The following BRDT variants were observed in gnomAD, a reference collection of about 807,000 sequenced individuals.
BRDT encodes bromodomain testis associated.
Under a neutral mutation model 113.9 loss-of-function variants are expected in BRDT, and 77 were observed. The ratio of observed to expected loss-of-function variants is 0.68; its 90% CI spans 0.56 to 0.82. BRDT has a LOEUF of 0.82. BRDT is among the 40% of genes least tolerant of loss of function. The pLI, the probability that BRDT is intolerant of heterozygous loss-of-function variation, is 0.00. For missense variants in BRDT, 1,027 were observed against 1,105.4 expected (o/e 0.93, Z 1.01); for synonymous variants, 358 against 366.5 (o/e 0.98, Z 0.26).
intron 16 of BRDT, 108 bp from the exon 17 acceptor site, chr1:92,004,306 C>G (rs1282872333): frequency 8.7e-6 from 6 of 686,462 alleles, no homozygotes; most frequent in Non-Finnish European, 1.4e-5. Context: ...ACATGAAGCC[C>G]TTTAGAATCT....
chr1:92,004,676 A>G, intron 17 of BRDT, 57 bp downstream of exon 17: 1 of 1,411,398 alleles, frequency 7.1e-7, no homozygotes, highest in East Asian at 2.4e-5. Context: ...TATTTTAAAT[A>G]CATTAAATTT....
chr1:91,987,083 C>A (rs1570569786), intron 12 of BRDT, among the ~76,000 whole-genome samples: 1 of 151,920 alleles, frequency 6.6e-6, no homozygotes, highest in South Asian at 2.1e-4. Flanking sequence ...CCAAGCCTGG[C>A]TAATTTTTGT....
chr1:91,994,810 G>GGAGGCGGAGCT (rs1570602997), intron 15 of BRDT, among the ~76,000 whole-genome samples: 1 of 129,652 alleles, frequency 7.7e-6, no homozygotes, highest in East Asian at 2.3e-4. Context: ...GGAGCTTGCA[G>GGAGGCGGAGCT]TGAGCCGAGA....
chr1:91,970,318 C>G (rs757042606), intron 4 of BRDT, among the ~76,000 whole-genome samples: 15 of 152,168 alleles, frequency 9.9e-5, no homozygotes, highest in Non-Finnish European at 1.6e-4. Context: ...GGCTGGAGTG[C>G]AGTGGCACTC....
At chr1:91,968,779 T>C (rs1683323287) in intron 4 of BRDT, among the ~76,000 whole-genome samples, 1 of 152,218 alleles carries the variant, frequency 6.6e-6, no homozygotes, top group Admixed American at 6.5e-5. Context: ...ATCTGAAGTA[T>C]TCAAATAGAT....
intron 4 of BRDT, among the ~76,000 whole-genome samples, chr1:91,968,717 TC>T (rs1683318054): frequency 6.6e-6 from 1 of 152,194 alleles, no homozygotes; most frequent in East Asian, 1.9e-4. Flanking sequence ...GAGGAAATCA[TC>T]TTTACAACTA....
intron 18 of BRDT, 111 bp from the exon 19 acceptor site, chr1:92,014,095 T>A (rs994973903): frequency 1.7e-5 from 11 of 658,748 alleles, no homozygotes; most frequent in Non-Finnish European, 2.5e-5. Context: ...AATTATTGAA[T>A]AGTTTTCTTT....
In BRDT at chr1:91,964,758, T is replaced by C. The variant is rs754577191; in HGVS notation, c.324T>C (p.Tyr108=). Reference sequence around the variant, plus strand: ...CAATGTTCTCAAATTGTTATTTATATAACAAGGTATGTAAGCCTTATGTTA... The same window carrying C: ...CAATGTTCTCAAATTGTTATTTATACAACAAGGTATGTAAGCCTTATGTTA... ...FNTMFSNCYL[Y]NKPGDDIVLM... is the part of the protein sequence containing the mutation. The change falls in exon 3 of 19, where the codon TAT becomes TAC. Residue 108 remains tyrosine (Y), a synonymous_variant. Coordinates refer to ENST00000399546, the MANE Select transcript of BRDT (RefSeq NM_207189.4). 6.7e-7 allele frequency: 1 copy of C among 1,482,046 alleles called. No homozygotes were observed. Among genetic ancestry groups the C allele is most frequent in the Non-Finnish European group, 9.1e-7 (1 of 1,095,338 alleles). 91.8% of individuals were successfully genotyped at this position (1,482,046 alleles called of 1,614,324 possible).
At chr1:91,969,007 GC>G (rs1683350289) in intron 4 of BRDT, among the ~76,000 whole-genome samples, 1 of 151,970 alleles carries the variant, frequency 6.6e-6, no homozygotes, top group Non-Finnish European at 1.5e-5. Flanking sequence ...TGCGATCTCG[GC>G]TCACTGCAAG....
At chr1:91,965,194 G>C (rs551214476) in intron 3 of BRDT, among the ~76,000 whole-genome samples, 1 of 152,028 alleles carries the variant, frequency 6.6e-6, no homozygotes, top group African/African-American at 2.4e-5. Flanking sequence ...GATTATAGGT[G>C]TGAGCCACTG....
intron 4 of BRDT, among the ~76,000 whole-genome samples, chr1:91,970,445 C>G (rs1210967002): frequency 6.6e-6 from 1 of 151,776 alleles, no homozygotes; most frequent in Non-Finnish European, 1.5e-5. Context: ...TTTTTTGTTT[C>G]TTACAGAGGT....
At chr1:91,983,153 T>C (rs1048577589) in intron 12 of BRDT, among the ~76,000 whole-genome samples, 1 of 152,180 alleles carries the variant, frequency 6.6e-6, no homozygotes, top group African/African-American at 2.4e-5. Flanking sequence ...TATTATATAT[T>C]GCTTGGAGGA....
intron 3 of BRDT, among the ~76,000 whole-genome samples, chr1:91,967,626 G>A (rs1354606249): frequency 8.5e-5 from 13 of 152,244 alleles, no homozygotes; most frequent in African/African-American, 2.4e-4. Flanking sequence ...TCAAACTCCC[G>A]ACCTCAGGTG....
chr1:91,951,856 G>A (rs1214471244), intron 1 of BRDT, among the ~76,000 whole-genome samples: 1 of 151,930 alleles, frequency 6.6e-6, no homozygotes, highest in Non-Finnish European at 1.5e-5. Flanking sequence ...GACAAGCCTG[G>A]CCAACATGGC....
intron 1 of BRDT, among the ~76,000 whole-genome samples, chr1:91,956,481 A>T (rs1327307883): frequency 1.3e-5 from 2 of 152,202 alleles, no homozygotes; most frequent in East Asian, 3.8e-4. Context: ...ATTGTCTCAT[A>T]CAGTAGCTCC....
rs369605373 is a variant in BRDT, at chr1:91,991,284, A to G, written c.2064+39A>G. The G allele has an allele frequency of 6.4e-4, 804 of 1,257,162 alleles. 16 individuals are homozygous for G. In the South Asian group the frequency reaches 0.011, roughly 17 times the overall value. The allele number at this position is 1,257,162 out of a possible 1,614,324, so 77.9% of individuals were successfully genotyped here. A position where few individuals can be genotyped will look rare whatever the true frequency, so the allele number is the denominator to read the frequency against. On this transcript the variant is annotated intron_variant, in intron 13 of 18. Transcript: ENST00000399546. ...TTATTTGTATCTGAATTTTAAAAGTATGTATAACTCATGGGTATAGTAGTA... is the reference window on the plus strand; with the variant it reads ...TTATTTGTATCTGAATTTTAAAAGTGTGTATAACTCATGGGTATAGTAGTA...
chr1:91,958,198 C>T (rs1360594230), intron 1 of BRDT, among the ~76,000 whole-genome samples: 1 of 143,728 alleles, frequency 7.0e-6, no homozygotes, highest in Non-Finnish European at 1.5e-5. Context: ...CTTTTCATGA[C>T]TTGATAACTC....
In BRDT at chr1:91,977,283, A is replaced by G; in HGVS notation, c.859A>G (p.Lys287Glu). Reference sequence around the variant, plus strand: ...GATTCTTAAAGAAATGCTTGCAAAGAAACATTTTTCATATGCATGGCCCTT... The same window carrying G: ...GATTCTTAAAGAAATGCTTGCAAAGGAACATTTTTCATATGCATGGCCCTT... ...SEILKEMLAK[K>E]HFSYAWPFYN... Residue 287 changes from lysine (K) to glutamate (E), a missense_variant, in exon 6 of 19, where the codon AAA (lysine) becomes GAA (glutamate). By Grantham distance (56) the Lys-to-Glu change is moderately conservative. Transcript: ENST00000399546. 6.2e-7 allele frequency: 1 copy of G among 1,614,120 alleles called. No homozygotes were observed. The highest frequency in any genetic ancestry group is 1.1e-5 in the South Asian group (1 of 91,080).
At chr1:92,012,628 G>T (rs955760840) in intron 18 of BRDT, among the ~76,000 whole-genome samples, 8 of 152,164 alleles carry the variant, frequency 5.3e-5, no homozygotes, top group Non-Finnish European at 1.0e-4. Flanking sequence ...ATGTAGTCTG[G>T]GGCCGGGTGC....
Sources: allele counts gnomAD v4.1 joint callset (sites outside exome capture counted in the v4.1 genomes callset), GRCh38; gene constraint gnomAD v4.1.1; transcripts MANE v1.5; gene names NCBI Gene and HGNC (gene_info 2026-07-23, HGNC 2026-07-21).